The following ATXN7 variants were observed in gnomAD, a reference collection of about 807,000 sequenced individuals.
ATXN7 encodes the protein ataxin 7.
A neutral mutation model predicts 70.5 loss-of-function variants in ATXN7; 12 were observed. That is an observed-to-expected ratio of 0.17 (90% CI 0.11 to 0.28). The LOEUF (loss-of-function observed/expected upper bound fraction) is 0.28. Ranked by LOEUF, ATXN7 falls within the 10% of genes least tolerant of loss-of-function variation. The probability of loss-of-function intolerance (pLI) is 1.00; values close to 1 mark genes in which losing one functional copy is unlikely to be tolerated. For missense variants in ATXN7, 1,256 were observed against 1,131.7 expected (o/e 1.11, Z -1.58); for synonymous variants, 498 against 448.7 (o/e 1.11, Z -1.39).
At chr3:63,925,677 C>G (rs2107327189) in intron 4 of ATXN7, among the ~76,000 whole-genome samples, 1 of 152,310 alleles carries the variant, frequency 6.6e-6, no homozygotes, top group Admixed American at 6.5e-5. Flanking sequence ...CTAGCAAGGC[C>G]TGGATAGTGG....
intron 4 of ATXN7, among the ~76,000 whole-genome samples, chr3:63,948,398 A>G (rs112978249): frequency 9.2e-5 from 14 of 152,318 alleles, no homozygotes; most frequent in African/African-American, 3.1e-4. Flanking sequence ...TTTGAAATGT[A>G]TATAAGACAT....
At chr3:63,955,006 G>C (rs1394110608) in intron 5 of ATXN7, among the ~76,000 whole-genome samples, 2 of 152,152 alleles carry the variant, frequency 1.3e-5, no homozygotes, top group Non-Finnish European at 2.9e-5. Flanking sequence ...ACCAAGCCCG[G>C]CCAGGAAAAT....
At position 63,999,778 on chromosome 3, in the gene ATXN7, G is replaced by C. The variant is rs181414756; in HGVS notation, c.*311G>C. 3.1e-5 allele frequency: 17 copies of C among 545,138 alleles called. No individual in the cohort carries two copies. The East Asian group carries it at 5.2e-4, about 17-fold the overall frequency. The allele number at this position is 545,138 out of a possible 1,614,324, so 33.8% of individuals were successfully genotyped here. ...TTGTTTTTGTTTTGTTTTTTAACTT[G>C]CAGTATATCACAGAGCCACTCTTCA... On this transcript the variant is annotated 3_prime_UTR_variant, in exon 13 of 13. Transcript: ENST00000674280.
intron 1 of ATXN7, among the ~76,000 whole-genome samples, chr3:63,896,184 A>G (rs895776346): frequency 1.3e-5 from 2 of 149,874 alleles, no homozygotes; most frequent in Admixed American, 1.3e-4. Flanking sequence ...GATATCTTCT[A>G]TAATCTCCCT....
At chr3:63,933,113 T>A (rs1171859120) in intron 4 of ATXN7, among the ~76,000 whole-genome samples, 3 of 152,200 alleles carry the variant, frequency 2.0e-5, no homozygotes, top group Non-Finnish European at 4.4e-5. Context: ...AGAGGTAATG[T>A]CAAAGTGCCC....
rs145469496 is a variant in ATXN7 at position 63,997,131 on chromosome 3, G to A, written c.2661+648G>A. Among the ~76,000 whole-genome samples the A allele has an allele frequency of 4.6e-3, 699 of 152,204 alleles. 3 individuals are homozygous for A. The highest frequency in any genetic ancestry group is 0.015 in the African/African-American group (639 of 41,546). On this transcript the variant is annotated intron_variant, in intron 12 of 12. Coordinates refer to ENST00000674280, the MANE Select transcript of ATXN7 (RefSeq NM_001377405.1). ...AAATTAGCTGGGTGTGGTGGTGCACGCCTGTAATCCCAGCTACTCAGGAGG... is the reference window on the plus strand; with the variant it reads ...AAATTAGCTGGGTGTGGTGGTGCACACCTGTAATCCCAGCTACTCAGGAGG...
intron 9 of ATXN7, 54 bp downstream of exon 9, chr3:63,988,378 T>A (rs895662003): frequency 1.9e-5 from 30 of 1,601,912 alleles, no homozygotes; most frequent in Non-Finnish European, 2.6e-5. Flanking sequence ...GACTTGCAGA[T>A]ACTGTAAAAT....
chr3:63,943,884 C>T (rs1197557038), intron 4 of ATXN7, among the ~76,000 whole-genome samples: 2 of 152,206 alleles, frequency 1.3e-5, no homozygotes, highest in East Asian at 1.9e-4. Context: ...CACTCTATTG[C>T]ATCAGCCTTT....
chr3:63,935,044 C>T (rs2074633274), intron 4 of ATXN7, among the ~76,000 whole-genome samples: 1 of 152,090 alleles, frequency 6.6e-6, no homozygotes, highest in Admixed American at 6.6e-5. Flanking sequence ...TATAGAAAGC[C>T]CTGAGCACAG....
chr3:63,910,828 G>A (rs979873504), intron 2 of ATXN7, among the ~76,000 whole-genome samples: 4 of 150,294 alleles, frequency 2.7e-5, no homozygotes, highest in African/African-American at 4.9e-5. Context: ...AAATAAAAAT[G>A]TGTGTGTGTG....
chr3:63,953,884 G>A (rs1399700313), intron 5 of ATXN7, among the ~76,000 whole-genome samples: 1 of 152,046 alleles, frequency 6.6e-6, no homozygotes, highest in African/African-American at 2.4e-5. Context: ...CTGACCTCAA[G>A]TGATCCGCCC....
intron 5 of ATXN7, among the ~76,000 whole-genome samples, chr3:63,953,656 CT>C (rs1369697109): frequency 1.8e-3 from 253 of 138,434 alleles, no homozygotes; most frequent in Admixed American, 2.3e-3. Context: ...TGAGATACTT[CT>C]TTTTTTTTTT....
At chr3:63,948,775 T>C (rs1191378543) in intron 4 of ATXN7, among the ~76,000 whole-genome samples, 2 of 152,122 alleles carry the variant, frequency 1.3e-5, no homozygotes, top group Admixed American at 6.5e-5. Flanking sequence ...GTCTCCAAAG[T>C]ACATGATGGC....
chr3:63,937,003 A>G (rs2107353514), intron 4 of ATXN7, among the ~76,000 whole-genome samples: 1 of 152,370 alleles, frequency 6.6e-6, no homozygotes, highest in East Asian at 1.9e-4. Context: ...GAAAGGCAAC[A>G]AGCTCAATGA....
At chr3:63,992,806 G>A (rs1252860340) in intron 11 of ATXN7, among the ~76,000 whole-genome samples, 1 of 152,140 alleles carries the variant, frequency 6.6e-6, no homozygotes, top group Non-Finnish European at 1.5e-5. Flanking sequence ...GTAATGAGCT[G>A]ACACATAGGC....
At chr3:63,988,476 G>C (rs1389216883) in intron 9 of ATXN7, 152 bp downstream of exon 9, 6 of 1,076,872 alleles carry the variant, frequency 5.6e-6, no homozygotes, top group Non-Finnish European at 7.9e-6. Context: ...AAAAAAAAAG[G>C]AAAGGTTGAG....
At chr3:63,922,278 G>A (rs1289194861) in intron 4 of ATXN7, among the ~76,000 whole-genome samples, 7 of 152,112 alleles carry the variant, frequency 4.6e-5, no homozygotes, top group Non-Finnish European at 1.5e-5. Context: ...TGGAGCTCAA[G>A]AAATCCTCCC....
intron 8 of ATXN7, among the ~76,000 whole-genome samples, 187 bp from the exon 9 acceptor site, chr3:63,987,872 A>T (rs2075604513): frequency 6.6e-6 from 1 of 152,102 alleles, no homozygotes; most frequent in South Asian, 2.1e-4. Flanking sequence ...CCTAGAACGT[A>T]TGCTTCTAGT....
chr3:63,950,607 G>A (rs982185139), intron 4 of ATXN7, among the ~76,000 whole-genome samples: 6 of 152,218 alleles, frequency 3.9e-5, no homozygotes, highest in South Asian at 2.1e-4. Context: ...GGAACTTACG[G>A]TAAATGACTT....
Sources: gnomAD v4.1 joint callset for allele counts (sites outside exome capture counted in the v4.1 genomes callset) on GRCh38, gnomAD v4.1.1 for gene constraint, MANE v1.5 for transcripts, NCBI Gene and HGNC (gene_info 2026-07-23, HGNC 2026-07-21) for gene names.